RGS13: variants seen among roughly 807,000 people sequenced by gnomAD.
RGS13 encodes regulator of G-protein signalling 13.
A neutral mutation model predicts 19.9 loss-of-function variants in RGS13; 14 were observed. The observed-to-expected ratio is 0.70, with a 90% confidence interval of 0.46 to 1.10. The LOEUF is 1.10. Ranked by LOEUF, RGS13 falls within the 50% of genes least tolerant of loss-of-function variation. The probability of loss-of-function intolerance (pLI) is 0.00; values close to 1 mark genes in which losing one functional copy is unlikely to be tolerated. For missense variants in RGS13, 205 were observed against 187.1 expected (o/e 1.10, Z -0.56); for synonymous variants, 60 against 56.8 (o/e 1.06, Z -0.25).
intron 5 of RGS13, among the ~76,000 whole-genome samples, chr1:192,651,919 T>A (rs1167729417): frequency 6.6e-6 from 1 of 152,078 alleles, no homozygotes; most frequent in African/African-American, 2.4e-5. Flanking sequence ...ATTGGTTGAC[T>A]GGGCAGTGTT....
intron 5 of RGS13, among the ~76,000 whole-genome samples, chr1:192,651,647 T>C (rs1025745533): frequency 2.6e-5 from 4 of 151,234 alleles, no homozygotes; most frequent in Non-Finnish European, 4.4e-5. Context: ...AAAAATTGTT[T>C]GGCCATCCCA....
chr1:192,640,885 G>A (rs1663092113), intron 3 of RGS13, among the ~76,000 whole-genome samples: 2 of 152,040 alleles, frequency 1.3e-5, no homozygotes, highest in South Asian at 2.1e-4. Flanking sequence ...TCAGGAACCT[G>A]AAATTCTATT....
chr1:192,657,903 C>G (rs138861845), intron 5 of RGS13, among the ~76,000 whole-genome samples: 2 of 152,202 alleles, frequency 1.3e-5, no homozygotes, highest in African/African-American at 4.8e-5. Context: ...TTTTCCTGGG[C>G]TCTGTGATGT....
intron 5 of RGS13, among the ~76,000 whole-genome samples, chr1:192,650,910 A>T (rs1663324218): frequency 6.6e-6 from 1 of 152,204 alleles, no homozygotes; most frequent in South Asian, 2.1e-4. Flanking sequence ...AAGTAGAGAG[A>T]CTAGCTAGAA....
At chr1:192,657,869 C>T (rs768204851) in intron 5 of RGS13, among the ~76,000 whole-genome samples, 7 of 152,044 alleles carry the variant, frequency 4.6e-5, no homozygotes, top group South Asian at 2.1e-4. Context: ...TTAGAGCCCC[C>T]GTCCTCCTGA....
At position 192,638,158 on chromosome 1, in the gene RGS13, T is replaced by A. The variant is rs1663046202; in HGVS notation, c.-44-6T>A. On this transcript the variant is annotated splice_polypyrimidine_tract_variant and splice_region_variant and intron_variant, in intron 2 of 6. Transcript: ENST00000391995. ...GACTGTGAATTATATTTTCTTATTT[T>A]ATCAGATGATATTCTAACGCTGCCT... The A allele has an allele frequency of 6.6e-6, 1 of 152,136 alleles. No individual in the cohort carries two copies. The highest frequency in any genetic ancestry group is 1.5e-5 in the Non-Finnish European group (1 of 68,002). 9.4% of individuals were successfully genotyped at this position (152,136 alleles called of 1,614,324 possible). A position where few individuals can be genotyped will look rare whatever the true frequency, so the allele number is the denominator to read the frequency against.
At position 192,642,422 on chromosome 1, in the gene RGS13, A is replaced by T. The variant is rs539941247; in HGVS notation, c.-4-1909A>T. Among the ~76,000 whole-genome samples the T allele has an allele frequency of 8.6e-5, 13 of 151,798 alleles. No individual in the cohort carries two copies. The South Asian group carries it at 2.7e-3, about 32-fold the overall frequency. On this transcript the variant is annotated intron_variant, in intron 3 of 6. Transcript: ENST00000391995. ...CTGCAGCCTCAACCCCCTGGGCTCA[A>T]GTGATCCTCCCACCTCAGCCTCCTG...
At chr1:192,655,613 C>A (rs1251794888) in intron 5 of RGS13, among the ~76,000 whole-genome samples, 1 of 151,884 alleles carries the variant, frequency 6.6e-6, no homozygotes, top group African/African-American at 2.4e-5. Flanking sequence ...CCAATGCTGA[C>A]ATAAACAGGA....
At chr1:192,651,050 A>G (rs1663326806) in intron 5 of RGS13, among the ~76,000 whole-genome samples, 1 of 151,998 alleles carries the variant, frequency 6.6e-6, no homozygotes, top group Non-Finnish European at 1.5e-5. Context: ...AGATAGAGGA[A>G]AACACACCCA....
intron 3 of RGS13, among the ~76,000 whole-genome samples, chr1:192,644,021 G>A (rs1046488930): frequency 2.5e-4 from 38 of 151,900 alleles, no homozygotes; most frequent in Admixed American, 1.4e-3. Flanking sequence ...ATTCGTTATC[G>A]GTAAGTTCTA....
At chr1:192,648,264 A>G (rs1014291947) in intron 5 of RGS13, among the ~76,000 whole-genome samples, 1 of 152,184 alleles carries the variant, frequency 6.6e-6, no homozygotes, top group African/African-American at 2.4e-5. Context: ...AACGCATACC[A>G]TAGCCTTCTA....
At chr1:192,648,901 C>T (rs1663267077) in intron 5 of RGS13, among the ~76,000 whole-genome samples, 3 of 152,080 alleles carry the variant, frequency 2.0e-5, no homozygotes, top group African/African-American at 7.2e-5. Flanking sequence ...TGTCATAGTC[C>T]TGAGGCACTA....
rs2102040798 is a variant in RGS13 at position 192,659,606 on chromosome 1, A to G, written c.*83A>G. 1.1e-6 allele frequency: 1 copy of G among 933,324 alleles called. No homozygotes were observed. Among genetic ancestry groups the G allele is most frequent in the South Asian group, 1.6e-5 (1 of 63,052 alleles). The allele number at this position is 933,324 out of a possible 1,614,324, so 57.8% of individuals were successfully genotyped here. On this transcript the variant is annotated 3_prime_UTR_variant, in exon 7 of 7. Coordinates refer to ENST00000391995, the MANE Select transcript of RGS13 (RefSeq NM_002927.5). Reference sequence around the variant, plus strand: ...TTTATTTAGAAACCCACAAAATCAGAAACACAGTACAAATAAAACAGAAAT... The same window carrying G: ...TTTATTTAGAAACCCACAAAATCAGGAACACAGTACAAATAAAACAGAAAT...
intron 3 of RGS13, among the ~76,000 whole-genome samples, chr1:192,641,307 A>AAAGAAAGAAAAG (rs1663117567): frequency 3.6e-5 from 2 of 55,352 alleles, no homozygotes; most frequent in Non-Finnish European, 1.1e-4. Flanking sequence ...AGAAAGAAAG[A>AAAGAAAGAAAAG]AAAGAAAGAA....
rs778782848 is a variant in RGS13 at position 192,641,302 on chromosome 1, GA to G, written c.-4-3026del. 1.7e-4 allele frequency among the ~76,000 whole-genome samples: 21 copies of G among 125,318 alleles called. No individual in the cohort carries two copies. The South Asian group carries it at 3.6e-3, about 22-fold the overall frequency. 82.2% of individuals were successfully genotyped at this position (125,318 alleles called of 152,430 possible). On this transcript the variant is annotated intron_variant, in intron 3 of 6. Transcript: ENST00000391995. Reference sequence around the variant, plus strand: ...AGAAAGAAAGAAAGAAAGAAAGAAAGAAAGAAAAGAAAGAAAGGAGGGAGGG... The same window carrying G: ...AGAAAGAAAGAAAGAAAGAAAGAAAGAAGAAAAGAAAGAAAGGAGGGAGGG...
chr1:192,645,946 T>C lies in RGS13; in HGVS notation c.65+1547T>C, dbSNP rs1663213135. 5 of 152,274 alleles carry C rather than the reference T, an allele frequency of 3.3e-5. 1 individual carries two copies. Among genetic ancestry groups the C allele is most frequent in the Non-Finnish European group, 5.9e-5 (4 of 68,012 alleles). 9.4% of individuals were successfully genotyped at this position (152,274 alleles called of 1,614,324 possible). A position where few individuals can be genotyped will look rare whatever the true frequency, so the allele number is the denominator to read the frequency against. On this transcript the variant is annotated intron_variant, in intron 4 of 6. Coordinates refer to ENST00000391995, the MANE Select transcript of RGS13 (RefSeq NM_002927.5). Reference sequence around the variant, plus strand: ...GATGACTCTTCACTCGTGTTGTAGATTTTATTCTTCCCTATATAATGGGAA... The same window carrying C: ...GATGACTCTTCACTCGTGTTGTAGACTTTATTCTTCCCTATATAATGGGAA...
chr1:192,641,635 A>T (rs1228933290), intron 3 of RGS13, among the ~76,000 whole-genome samples: 1 of 152,126 alleles, frequency 6.6e-6, no homozygotes, highest in Non-Finnish European at 1.5e-5. Context: ...CCTTTTTGAT[A>T]AACTCATTCC....
intron 3 of RGS13, among the ~76,000 whole-genome samples, chr1:192,641,590 C>A (rs1239887847): frequency 6.6e-6 from 1 of 152,136 alleles, no homozygotes; most frequent in Non-Finnish European, 1.5e-5. Context: ...CTCTTAATCA[C>A]TTCCCAGCTT....
At chr1:192,645,746 A>G (rs1186044208) in intron 4 of RGS13, 1 of 152,112 alleles carries the variant, frequency 6.6e-6, no homozygotes, top group African/African-American at 2.4e-5. Context: ...AGAACCTCCA[A>G]AAAAAATTAT....
Sources: allele counts gnomAD v4.1 joint callset (sites outside exome capture counted in the v4.1 genomes callset), GRCh38; gene constraint gnomAD v4.1.1; transcripts MANE v1.5; gene names NCBI Gene and HGNC (gene_info 2026-07-23, HGNC 2026-07-21).